The following SYT9 variants were observed in gnomAD, a reference collection of about 807,000 sequenced individuals.
SYT9 encodes synaptotagmin-9.
In SYT9, 22 loss-of-function variants were observed where a neutral mutation model predicts 48.4. The ratio of observed to expected loss-of-function variants is 0.45; its 90% CI spans 0.32 to 0.65. SYT9 has a LOEUF of 0.65. Ranked by LOEUF, SYT9 falls within the 30% of genes least tolerant of loss-of-function variation. SYT9 has a pLI of 0.03. For synonymous variants in SYT9, 265 were observed against 245.0 expected (o/e 1.08, Z -0.76); for missense variants, 577 against 622.0 (o/e 0.93, Z 0.77).
chr11:7,411,960 C>A (rs555038505), intron 3 of SYT9, among the ~76,000 whole-genome samples: 15 of 152,052 alleles, frequency 9.9e-5, no homozygotes, highest in African/African-American at 3.4e-4. Context: ...TTCTGAGATT[C>A]TTTCTTCTGC....
At chr11:7,437,475 C>T (rs1847732809) in intron 6 of SYT9, among the ~76,000 whole-genome samples, 1 of 152,054 alleles carries the variant, frequency 6.6e-6, no homozygotes, top group Non-Finnish European at 1.5e-5. Flanking sequence ...TTTCACAAAC[C>T]CATAATGGGC....
intron 1 of SYT9, among the ~76,000 whole-genome samples, chr11:7,261,190 G>T (rs1848071856): frequency 6.6e-6 from 1 of 152,178 alleles, no homozygotes; most frequent in Non-Finnish European, 1.5e-5. Context: ...CCACATACAT[G>T]TACACTTTGC....
chr11:7,325,860 A>G (rs1446063985), intron 3 of SYT9, among the ~76,000 whole-genome samples: 2 of 60,306 alleles, frequency 3.3e-5, no homozygotes, highest in Non-Finnish European at 3.0e-5. Flanking sequence ...TTCTGCATCT[A>G]TTGAGATAAT....
At position 7,418,031 on chromosome 11, in the gene SYT9, A is replaced by G. The variant is rs1032221906; in HGVS notation, c.1240A>G (p.Thr414Ala). 1 of 1,614,170 alleles carries G rather than the reference A, an allele frequency of 6.2e-7. No homozygotes were observed. Among genetic ancestry groups the G allele is most frequent in the African/African-American group, 1.3e-5 (1 of 75,032 alleles). Residue 414 changes from threonine (T) to alanine (A), a missense_variant, in exon 5 of 7, where the codon ACC becomes GCC. By Grantham distance (58) the Thr-to-Ala change is moderately conservative. Transcript: ENST00000318881. ...KKRKTSTKRN[T>A]LNPVYNEAIV... ...GAGGAAAACATCCACCAAGAGGAACACCTTGAATCCTGTTTACAACGAAGC... is the reference window on the plus strand; with the variant it reads ...GAGGAAAACATCCACCAAGAGGAACGCCTTGAATCCTGTTTACAACGAAGC...
At chr11:7,352,012 T>G (rs1849925791) in intron 3 of SYT9, among the ~76,000 whole-genome samples, 1 of 152,166 alleles carries the variant, frequency 6.6e-6, no homozygotes. Flanking sequence ...TTCCTTTTCT[T>G]TGCAGGTCTA....
chr11:7,340,252 C>A (rs965025296), intron 3 of SYT9, among the ~76,000 whole-genome samples: 1 of 152,226 alleles, frequency 6.6e-6, no homozygotes, highest in African/African-American at 2.4e-5. Flanking sequence ...TTTCTATCAG[C>A]TCCTGAATAA....
intron 3 of SYT9, among the ~76,000 whole-genome samples, chr11:7,398,737 C>G (rs958935442): frequency 6.6e-6 from 1 of 152,142 alleles, no homozygotes; most frequent in Non-Finnish European, 1.5e-5. Context: ...ATCTGCAAGG[C>G]TTCAAAATTG....
At chr11:7,312,867 G>A (rs1036389256) in intron 2 of SYT9, among the ~76,000 whole-genome samples, 1 of 152,148 alleles carries the variant, frequency 6.6e-6, no homozygotes, top group African/African-American at 2.4e-5. Flanking sequence ...TTTTGCATGA[G>A]CAAAAGCTGT....
At chr11:7,446,416 C>T (rs1361060363) in intron 6 of SYT9, among the ~76,000 whole-genome samples, 1 of 152,156 alleles carries the variant, frequency 6.6e-6, no homozygotes, top group Non-Finnish European at 1.5e-5. Flanking sequence ...AACCAGGCTT[C>T]ATGAGGTTTA....
intron 3 of SYT9, among the ~76,000 whole-genome samples, chr11:7,385,340 C>CTGTGTG (rs66576884): frequency 4.8e-5 from 7 of 146,794 alleles, no homozygotes; most frequent in East Asian, 2.1e-4. Flanking sequence ...TTTGTTTGCT[C>CTGTGTG]TGTGTGTGTG....
intron 6 of SYT9, among the ~76,000 whole-genome samples, chr11:7,454,525 A>T (rs1848113063): frequency 6.6e-6 from 1 of 152,244 alleles, no homozygotes; most frequent in African/African-American, 2.4e-5. Flanking sequence ...GCTGGGGATA[A>T]CACGAGTGAA....
chr11:7,398,618 G>T (rs1846809197), intron 3 of SYT9, among the ~76,000 whole-genome samples: 1 of 152,016 alleles, frequency 6.6e-6, no homozygotes, highest in Admixed American at 6.6e-5. Flanking sequence ...CACCATGTTA[G>T]CCAGGACAGT....
intron 1 of SYT9, among the ~76,000 whole-genome samples, chr11:7,275,229 C>A (rs139647887): frequency 4.5e-4 from 68 of 152,196 alleles, no homozygotes; most frequent in African/African-American, 1.6e-3. Flanking sequence ...TACTACCTCT[C>A]CCCTCTCCAA....
At chr11:7,457,766 T>G (rs1277798474) in intron 6 of SYT9, 1 of 152,214 alleles carries the variant, frequency 6.6e-6, no homozygotes, top group Non-Finnish European at 1.5e-5. Context: ...GCTCAAACAG[T>G]TCTCATAAAG....
intron 3 of SYT9, among the ~76,000 whole-genome samples, chr11:7,354,361 A>G (rs912765681): frequency 6.6e-6 from 1 of 152,246 alleles, no homozygotes; most frequent in Non-Finnish European, 1.5e-5. Flanking sequence ...ACTTATCTAT[A>G]GACAATTCTG....
chr11:7,338,650 G>A (rs1379270010), intron 3 of SYT9, among the ~76,000 whole-genome samples: 1 of 148,440 alleles, frequency 6.7e-6, no homozygotes, highest in Non-Finnish European at 1.5e-5. Context: ...CCATGTAATT[G>A]CATGGTTTTG....
intron 3 of SYT9, among the ~76,000 whole-genome samples, chr11:7,332,609 C>G (rs1303963749): frequency 6.6e-6 from 1 of 152,204 alleles, no homozygotes; most frequent in Non-Finnish European, 1.5e-5. Flanking sequence ...CCCACATACT[C>G]CTTTCCTAGG....
intron 3 of SYT9, among the ~76,000 whole-genome samples, chr11:7,336,704 C>A (rs1247142059): frequency 6.6e-6 from 1 of 152,146 alleles, no homozygotes; most frequent in Admixed American, 6.5e-5. Flanking sequence ...GTCTATGCAT[C>A]TGTTTTTGTA....
upstream of SYT9, among the ~76,000 whole-genome samples, chr11:7,247,809 G>A (rs539807084): frequency 4.0e-5 from 6 of 151,604 alleles, no homozygotes; most frequent in African/African-American, 7.3e-5. Context: ...TATCTTTTTC[G>A]TATAATGACC....
Sources: gnomAD v4.1 joint callset for allele counts (sites outside exome capture counted in the v4.1 genomes callset) on GRCh38, gnomAD v4.1.1 for gene constraint, MANE v1.5 for transcripts, NCBI Gene and HGNC (gene_info 2026-07-23, HGNC 2026-07-21) for gene names.